Variants in RANBP2 observed in about 807,000 individuals in gnomAD.
RANBP2 encodes RAN binding protein 2.
Under a neutral mutation model 303.6 loss-of-function variants are expected in RANBP2, and 57 were observed. The ratio of observed to expected loss-of-function variants is 0.19; its 90% CI spans 0.15 to 0.23. The LOEUF (loss-of-function observed/expected upper bound fraction) is 0.23. Among genes scored for constraint, RANBP2 ranks in the 10% least tolerant of loss-of-function variants. The pLI is 1.00. For missense variants in RANBP2, 3,138 were observed against 3,780.8 expected (o/e 0.83, Z 4.46); for synonymous variants, 1,167 against 1,301.5 (o/e 0.90, Z 2.23).
the RANBP2 span, among the ~76,000 whole-genome samples, chr2:109,578,587 C>T: frequency 2.6e-5 from 4 of 151,874 alleles, no homozygotes; most frequent in Admixed American, 1.3e-4. Flanking sequence ...GCCAACAGGG[C>T]GAAACCCCAT....
chr2:109,614,012 C>T, the RANBP2 span: 17 of 1,200,876 alleles, frequency 1.4e-5, no homozygotes, highest in Non-Finnish European at 1.8e-5. Context: ...GGGGTTGGGG[C>T]GGACGCCCTG....
chr2:109,643,744 C>G, the RANBP2 span, among the ~76,000 whole-genome samples: 6 of 141,970 alleles, frequency 4.2e-5, no homozygotes, highest in East Asian at 2.2e-4. Context: ...CAGCCTGGGC[C>G]ACAGAGTGAG....
At chr2:109,065,503 A>G in the RANBP2 span, among the ~76,000 whole-genome samples, 6 of 152,190 alleles carry the variant, frequency 3.9e-5, no homozygotes, top group Non-Finnish European at 8.8e-5. Context: ...CAGCCCAGCC[A>G]GGACATTTCT....
the RANBP2 span, among the ~76,000 whole-genome samples, chr2:109,478,748 TGCGACGG>T: frequency 6.6e-6 from 1 of 152,176 alleles, no homozygotes; most frequent in Non-Finnish European, 1.5e-5. Flanking sequence ...TCAGAGGCCA[TGCGACGG>T]GCTTATCATA....
the RANBP2 span, among the ~76,000 whole-genome samples, chr2:109,672,190 A>C: frequency 6.6e-6 from 1 of 152,250 alleles, no homozygotes; most frequent in Non-Finnish European, 1.5e-5. Context: ...TTGAATAGCT[A>C]TGCTTTCCTG....
At chr2:108,846,515 C>G in the RANBP2 span, among the ~76,000 whole-genome samples, 1 of 144,476 alleles carries the variant, frequency 6.9e-6, no homozygotes, top group African/African-American at 2.5e-5. Flanking sequence ...CCATCTCTAC[C>G]GAAAAAAAAA....
At chr2:109,542,518 T>C in the RANBP2 span, among the ~76,000 whole-genome samples, 5 of 152,198 alleles carry the variant, frequency 3.3e-5, no homozygotes, top group Non-Finnish European at 5.9e-5. Flanking sequence ...TGGTCAAATA[T>C]AGCCACATAT....
chr2:109,060,762 T>A, the RANBP2 span, among the ~76,000 whole-genome samples: 105 of 152,284 alleles, frequency 6.9e-4, no homozygotes, highest in Admixed American at 1.2e-3. Flanking sequence ...GTCTGTAGAT[T>A]ATGGTTTTCC....
At chr2:109,681,591 C>T in the RANBP2 span, among the ~76,000 whole-genome samples, 8 of 152,288 alleles carry the variant, frequency 5.3e-5, no homozygotes, top group African/African-American at 1.9e-4. Context: ...AGCACAGAAA[C>T]CCAAGAATTC....
the RANBP2 span, among the ~76,000 whole-genome samples, chr2:108,800,476 G>A: frequency 6.6e-6 from 1 of 152,024 alleles, no homozygotes; most frequent in African/African-American, 2.4e-5. Context: ...TGTTGGTCAG[G>A]CTGGTCTTGA....
chr2:109,056,388 C>T, the RANBP2 span, among the ~76,000 whole-genome samples: 5 of 152,048 alleles, frequency 3.3e-5, no homozygotes, highest in Middle Eastern at 6.8e-3. Flanking sequence ...AGGCTAGATT[C>T]GAAGTTCTGG....
chr2:109,275,860 C>T, the RANBP2 span, among the ~76,000 whole-genome samples: 4 of 152,044 alleles, frequency 2.6e-5, no homozygotes, highest in Admixed American at 6.6e-5. Flanking sequence ...CCTTCAAGGT[C>T]GGTTGGTTTT....
the RANBP2 span, among the ~76,000 whole-genome samples, chr2:109,639,551 G>A: frequency 0.21 from 31,720 of 151,362 alleles, 3,820 homozygotes; most frequent in Admixed American, 0.33. Flanking sequence ...CCCAGGAGGC[G>A]TTGGTTGCAG....
the RANBP2 span, among the ~76,000 whole-genome samples, chr2:109,489,166 A>G: frequency 4.4e-3 from 675 of 152,354 alleles, no homozygotes; most frequent in African/African-American, 0.016. Flanking sequence ...TCTCTATTGC[A>G]TAAGCAGCAG....
At chr2:109,671,359 T>C in the RANBP2 span, among the ~76,000 whole-genome samples, 2 of 151,830 alleles carry the variant, frequency 1.3e-5, no homozygotes, top group Non-Finnish European at 2.9e-5. Context: ...GCCGGTGCAT[T>C]GAGGGTGACA....
At chr2:109,643,886 GC>G in the RANBP2 span, among the ~76,000 whole-genome samples, 46 of 152,064 alleles carry the variant, frequency 3.0e-4, no homozygotes, top group Non-Finnish European at 5.6e-4. Flanking sequence ...CCTTTGGGAG[GC>G]CTAGGCAGGC....
chr2:109,257,837 AC>A, the RANBP2 span, among the ~76,000 whole-genome samples: 1 of 151,558 alleles, frequency 6.6e-6, no homozygotes, highest in Non-Finnish European at 1.5e-5. Flanking sequence ...TTTTTTGGAA[AC>A]CCCACTTTCC....
At chr2:109,516,908 G>A in the RANBP2 span, among the ~76,000 whole-genome samples, 1 of 152,230 alleles carries the variant, frequency 6.6e-6, no homozygotes, top group Non-Finnish European at 1.5e-5. Context: ...CTTGATGCCA[G>A]AGGTAGGGTG....
chr2:109,406,093 C>T, the RANBP2 span, among the ~76,000 whole-genome samples: 2 of 152,168 alleles, frequency 1.3e-5, no homozygotes, highest in Non-Finnish European at 2.9e-5. Flanking sequence ...TCAGATGGCC[C>T]GTCCTGCTCA....
Sources: gnomAD v4.1 joint callset for allele counts (sites outside exome capture counted in the v4.1 genomes callset) on GRCh38, gnomAD v4.1.1 for gene constraint, MANE v1.5 for transcripts, NCBI Gene and HGNC (gene_info 2026-07-23, HGNC 2026-07-21) for gene names.